Variants in KAZN observed in about 807,000 individuals in gnomAD.
The protein encoded by KAZN is kazrin.
In KAZN, 40 loss-of-function variants were observed where a neutral mutation model predicts 87.4. That is an observed-to-expected ratio of 0.46 (90% CI 0.36 to 0.60). The LOEUF (loss-of-function observed/expected upper bound fraction) is 0.60, where lower values mean the gene tolerates loss of function less well. KAZN is among the 20% of genes least tolerant of loss of function. The pLI, the probability that KAZN is intolerant of heterozygous loss-of-function variation, is 0.00. For missense variants in KAZN, 898 were observed against 1,073.9 expected (o/e 0.84, Z 2.29); for synonymous variants, 466 against 458.3 (o/e 1.02, Z -0.22).
chr1:14,385,469 C>T (rs1661791960), intron 2 of KAZN, among the ~76,000 whole-genome samples: 2 of 152,086 alleles, frequency 1.3e-5, no homozygotes, highest in South Asian at 2.1e-4. Flanking sequence ...AATTTCCCTC[C>T]ACACACTGCT....
rs550996358 is a variant in KAZN at position 14,735,251 on chromosome 1, G to A, written c.226+136028G>A. ...ATTTTTTTGTATTTTTAGTAGAGAC[G>A]GGGTTTCACCGTGTTAGCCAGGATG... On this transcript the variant is annotated intron_variant, in intron 1 of 14. Coordinates refer to ENST00000376030, the MANE Select transcript of KAZN (RefSeq NM_201628.3). The surrounding 1 kb of genome is among the most constrained non-coding windows in gnomAD (Gnocchi z 4.3). Among the ~76,000 whole-genome samples the A allele has an allele frequency of 4.7e-4, 71 of 152,230 alleles. No homozygotes were observed. Among genetic ancestry groups the A allele is most frequent in the African/African-American group, 1.7e-3 (70 of 41,556 alleles).
At chr1:14,358,817 A>C (rs1490240122) in intron 2 of KAZN, among the ~76,000 whole-genome samples, 4 of 152,140 alleles carry the variant, frequency 2.6e-5, no homozygotes, top group Admixed American at 2.6e-4. Context: ...GTTCTTTTGC[A>C]TTTACTGAGG....
At chr1:14,175,248 C>T (rs1443382221) in intron 1 of KAZN, among the ~76,000 whole-genome samples, 1 of 152,168 alleles carries the variant, frequency 6.6e-6, no homozygotes, top group African/African-American at 2.4e-5. Flanking sequence ...GGACTACAGG[C>T]GCCTGCCACT....
chr1:14,317,566 CTA>C (rs1341331156), intron 2 of KAZN, among the ~76,000 whole-genome samples: 2 of 151,856 alleles, frequency 1.3e-5, no homozygotes, highest in Non-Finnish European at 2.9e-5. Context: ...TATTATTTTG[CTA>C]TGTGTTTTCT....
At chr1:14,062,277 C>T (rs75024576) in intron 1 of KAZN, among the ~76,000 whole-genome samples, 14,061 of 152,170 alleles carry the variant, frequency 0.092, 913 homozygotes, top group Non-Finnish European at 0.14. Context: ...AAGTGGTAAC[C>T]GTTGTTCCTG....
At chr1:13,928,628 C>T (rs1374443065) in intron 1 of KAZN, among the ~76,000 whole-genome samples, 1 of 152,104 alleles carries the variant, frequency 6.6e-6, no homozygotes, top group Non-Finnish European at 1.5e-5. Context: ...ATAAAAAATT[C>T]AGGACATGAT....
chr1:14,848,764 C>A (rs938676587), intron 1 of KAZN, among the ~76,000 whole-genome samples: 1 of 152,214 alleles, frequency 6.6e-6, no homozygotes, highest in African/African-American at 2.4e-5. Context: ...TCTCGCCAGG[C>A]TGGCACTTCA....
chr1:14,950,248 A>G (rs927168288), intron 1 of KAZN, among the ~76,000 whole-genome samples: 1 of 152,056 alleles, frequency 6.6e-6, no homozygotes, highest in Admixed American at 6.5e-5. Flanking sequence ...ATCATATGAC[A>G]CAGGCCCAGA....
At chr1:14,193,116 T>A (rs1012417763) in intron 2 of KAZN, among the ~76,000 whole-genome samples, 1 of 152,114 alleles carries the variant, frequency 6.6e-6, no homozygotes, top group Non-Finnish European at 1.5e-5. Context: ...CCCCTGTACT[T>A]CTCCTTCCTG....
intron 2 of KAZN, among the ~76,000 whole-genome samples, chr1:14,259,417 T>G (rs1265942742): frequency 1.3e-5 from 2 of 152,088 alleles, no homozygotes; most frequent in African/African-American, 2.4e-5. Context: ...GACAAGCACG[T>G]GATGTACCCA....
At position 15,025,897 on chromosome 1, in the gene KAZN, C is replaced by T. The variant is rs188949878; in HGVS notation, c.419-8852C>T. Among the ~76,000 whole-genome samples the T allele has an allele frequency of 2.9e-3, 444 of 152,274 alleles. 1 individual carries two copies. The highest frequency in any genetic ancestry group is 4.8e-3 in the Admixed American group (73 of 15,304). ...CAGCACTTTGGGAGGCCAAGGCGGG[C>T]GGATCACTTGAGGTCAGGAGTTCAA... On this transcript the variant is annotated intron_variant, in intron 2 of 14. Transcript: ENST00000376030.
At position 14,149,984 on chromosome 1, in the gene KAZN, C is replaced by A. The variant is rs112028568; in HGVS notation, c.92-30451C>A. ...TCTGCAGATTCAGAAAATGGTGATACCGACAGTCATACTAGTCATAACGCA... is the reference window on the plus strand; with the variant it reads ...TCTGCAGATTCAGAAAATGGTGATAACGACAGTCATACTAGTCATAACGCA... On this transcript the variant is annotated intron_variant, in intron 1 of 16. Transcript: ENST00000636203. Among the ~76,000 whole-genome samples the A allele has an allele frequency of 6.5e-3, 995 of 152,270 alleles. 11 individuals are homozygous for A. The highest frequency in any genetic ancestry group is 0.023 in the African/African-American group (958 of 41,550).
intron 2 of KAZN, among the ~76,000 whole-genome samples, chr1:14,487,151 T>C (rs898741200): frequency 2.6e-5 from 4 of 152,188 alleles, no homozygotes; most frequent in Non-Finnish European, 5.9e-5. Flanking sequence ...AGTTGAAAGC[T>C]CTTGGTCCAA....
chr1:14,045,084 G>A (rs999921419), intron 1 of KAZN, among the ~76,000 whole-genome samples: 8 of 152,194 alleles, frequency 5.3e-5, no homozygotes, highest in African/African-American at 1.9e-4. Flanking sequence ...TTACACAGAT[G>A]CCAAAGCCAT....
chr1:14,123,802 G>C (rs554671173), intron 1 of KAZN, among the ~76,000 whole-genome samples: 3 of 151,824 alleles, frequency 2.0e-5, no homozygotes, highest in African/African-American at 7.3e-5. Flanking sequence ...TTATCTATGG[G>C]TCAAACACAC....
At chr1:13,958,207 C>T (rs1373399450) in intron 1 of KAZN, among the ~76,000 whole-genome samples, 1 of 152,194 alleles carries the variant, frequency 6.6e-6, no homozygotes, top group African/African-American at 2.4e-5. Flanking sequence ...TAATTATGCA[C>T]ACGTAGATAT....
At chr1:14,756,802 G>A (rs1248736222) in intron 1 of KAZN, among the ~76,000 whole-genome samples, 1 of 151,222 alleles carries the variant, frequency 6.6e-6, no homozygotes, top group Non-Finnish European at 1.5e-5. Context: ...TTTGTTGAAA[G>A]AAGAACAATT....
At chr1:14,731,418 C>T (rs1433421279) in intron 1 of KAZN, among the ~76,000 whole-genome samples, 1 of 152,318 alleles carries the variant, frequency 6.6e-6, no homozygotes, top group Admixed American at 6.5e-5. Flanking sequence ...GGCCCTGTGA[C>T]TTATCCCCGG....
chr1:15,111,135 T>C (rs1641596688), intron 13 of KAZN, among the ~76,000 whole-genome samples: 1 of 152,196 alleles, frequency 6.6e-6, no homozygotes, highest in Admixed American at 6.5e-5. Flanking sequence ...TTTGAGAACG[T>C]AGCTCATTTG....
Sources: gnomAD v4.1 joint callset for allele counts (sites outside exome capture counted in the v4.1 genomes callset) on GRCh38, gnomAD v4.1.1 for gene constraint, Gnocchi (gnomAD v3.1) non-coding constraint, MANE v1.5 for transcripts, NCBI Gene and HGNC (gene_info 2026-07-23, HGNC 2026-07-21) for gene names.